DENND1A: variants seen among roughly 807,000 people sequenced by gnomAD.
The protein encoded by DENND1A is DENN domain-containing protein 1A.
A neutral mutation model predicts 113.7 loss-of-function variants in DENND1A; 51 were observed. The observed-to-expected ratio is 0.45, with a 90% CI of 0.36 to 0.57. DENND1A has a LOEUF of 0.57. Ranked by LOEUF, DENND1A falls within the 20% of genes least tolerant of loss-of-function variation. DENND1A has a pLI of 0.00. For missense variants in DENND1A, 1,258 were observed against 1,395.9 expected (o/e 0.90, Z 1.57); for synonymous variants, 565 against 570.8 (o/e 0.99, Z 0.14).
chr9:123,456,880 A>G (rs145668744), intron 15 of DENND1A: 1 of 156,960 alleles, frequency 6.4e-6, no homozygotes, highest in African/African-American at 2.4e-5. Flanking sequence ...ACTGTCCTGG[A>G]TGACTGCACA....
At chr9:123,903,553 C>T (rs1467472725) in intron 1 of DENND1A, among the ~76,000 whole-genome samples, 1 of 152,106 alleles carries the variant, frequency 6.6e-6, no homozygotes, top group African/African-American at 2.4e-5. Flanking sequence ...GGCATTGCCT[C>T]ACTTGGGAAG....
intron 10 of DENND1A, among the ~76,000 whole-genome samples, chr9:123,627,043 C>G (rs2061254179): frequency 6.6e-6 from 1 of 152,184 alleles, no homozygotes; most frequent in South Asian, 2.1e-4. Flanking sequence ...CTCTTCTTGC[C>G]AGATGTGACA....
chr9:123,611,256 T>G (rs913752552), intron 10 of DENND1A, among the ~76,000 whole-genome samples: 7 of 152,196 alleles, frequency 4.6e-5, no homozygotes, highest in African/African-American at 1.7e-4. Flanking sequence ...AAATGCCCTG[T>G]GATATTTTTT....
chr9:123,699,456 A>C (rs2065737933), intron 5 of DENND1A, among the ~76,000 whole-genome samples: 1 of 152,110 alleles, frequency 6.6e-6, no homozygotes, highest in African/African-American at 2.4e-5. Flanking sequence ...TGGATGATGA[A>C]ATTAAAGGTA....
chr9:123,711,514 T>TGTATATATATAC (rs1564998168), intron 5 of DENND1A, among the ~76,000 whole-genome samples: 1 of 20,468 alleles, frequency 4.9e-5, no homozygotes, highest in African/African-American at 4.2e-4. Flanking sequence ...TGTATATATG[T>TGTATATATATAC]ATATATATAT....
At chr9:123,726,462 G>A (rs73667910) in intron 5 of DENND1A, among the ~76,000 whole-genome samples, 3,081 of 152,188 alleles carry the variant, frequency 0.02, 109 homozygotes, top group African/African-American at 0.071. Context: ...GACCATTTCC[G>A]AAATGCACCA....
At chr9:123,593,133 G>T (rs751663177) in intron 11 of DENND1A, among the ~76,000 whole-genome samples, 1 of 152,180 alleles carries the variant, frequency 6.6e-6, no homozygotes, top group African/African-American at 2.4e-5. Context: ...GGGCAAAGCT[G>T]CAACATTGTT....
Position 123,733,261 on chromosome 9 carries a change from G to A in DENND1A, c.302+24442C>T, listed in dbSNP as rs561718045. ...CTCCCAAAGTGCTGGGATTACAGGT[G>A]TGAGCCACCGCACCCGGCCAGTTTG... is the stretch of plus-strand genomic sequence containing the variant. On this transcript the variant is annotated intron_variant, in intron 5 of 23. Transcript: ENST00000394215. 6.6e-5 allele frequency among the ~76,000 whole-genome samples: 10 copies of A among 151,162 alleles called. No homozygotes were observed. The East Asian group carries it at 1.4e-3, about 21-fold the overall frequency.
intron 11 of DENND1A, among the ~76,000 whole-genome samples, chr9:123,608,144 C>A (rs2060255686): frequency 6.6e-6 from 1 of 152,076 alleles, no homozygotes; most frequent in African/African-American, 2.4e-5. Flanking sequence ...TGGGTGATGA[C>A]AAGGAGGAAC....
chr9:123,711,063 C>T (rs1056696362), intron 5 of DENND1A, among the ~76,000 whole-genome samples: 12 of 152,156 alleles, frequency 7.9e-5, no homozygotes, highest in South Asian at 4.2e-4. Context: ...TAAACAAATA[C>T]GCATTATATT....
intron 12 of DENND1A, among the ~76,000 whole-genome samples, chr9:123,561,293 T>C (rs1166958727): frequency 7.3e-6 from 1 of 136,912 alleles, no homozygotes; most frequent in Non-Finnish European, 1.7e-5. Context: ...AAGGAGTCGT[T>C]GATTGTAACT....
intron 11 of DENND1A, among the ~76,000 whole-genome samples, chr9:123,601,767 T>C (rs1036483383): frequency 2.0e-5 from 3 of 152,244 alleles, no homozygotes; most frequent in African/African-American, 7.2e-5. Context: ...AAGTCTTTTA[T>C]GTGGATAATA....
chr9:123,743,204 A>G (rs2069167566), intron 5 of DENND1A, among the ~76,000 whole-genome samples: 1 of 151,960 alleles, frequency 6.6e-6, no homozygotes, highest in African/African-American at 2.4e-5. Context: ...CAGGAGTTCA[A>G]GGTCAGCCTG....
At chr9:123,867,000 TAGC>T (rs1845883303) in intron 2 of DENND1A, among the ~76,000 whole-genome samples, 1 of 152,346 alleles carries the variant, frequency 6.6e-6, no homozygotes, top group South Asian at 2.1e-4. Flanking sequence ...GGCTTCGTGA[TAGC>T]AGAAAATTCT....
chr9:123,699,349 C>T (rs2065728600), intron 5 of DENND1A, among the ~76,000 whole-genome samples: 1 of 152,042 alleles, frequency 6.6e-6, no homozygotes, highest in Admixed American at 6.6e-5. Flanking sequence ...AAAAGGTTTT[C>T]AAACATGTAA....
intron 5 of DENND1A, among the ~76,000 whole-genome samples, chr9:123,742,075 A>G (rs2131109000): frequency 6.6e-6 from 1 of 152,300 alleles, no homozygotes; most frequent in Non-Finnish European, 1.5e-5. Flanking sequence ...ACATAAACAC[A>G]AGTGCATAGC....
In DENND1A at chr9:123,757,812, T is replaced by C. The variant is rs767465290; in HGVS notation, c.193A>G (p.Ser65Gly). 2 of 1,613,870 alleles carry C rather than the reference T, an allele frequency of 1.2e-6. No homozygotes were observed. The highest frequency in any genetic ancestry group is 2.2e-5 in the South Asian group (2 of 91,076). The change falls in exon 5 of 24, where the codon AGC (serine) becomes GGC (glycine). Residue 65 changes from serine to glycine, a missense_variant. Physicochemically the swap from Ser to Gly is moderately conservative, Grantham distance 56. Transcript: ENST00000394215. ...FPFYVDSLTV[S>G]QVGQNFTFVL... is the part of the protein sequence containing the mutation. ...AATGTGAAGTTCTGGCCAACTTGGCTAACTGTGAGGCTGCAGCAAAGGCAG... is the reference window on the plus strand; with the variant it reads ...AATGTGAAGTTCTGGCCAACTTGGCCAACTGTGAGGCTGCAGCAAAGGCAG...
chr9:123,769,506 G>T lies in DENND1A; in HGVS notation c.182+8C>A. The T allele has an allele frequency of 6.2e-7, 1 of 1,601,140 alleles. No homozygotes were observed. The highest frequency in any genetic ancestry group is 1.1e-5 in the South Asian group (1 of 88,414). ...TTTTTCTAGTAAAGTTTGAAAATCTGACACTACCTGTCCACATAGAAGGGG... is the reference window on the plus strand; with the variant it reads ...TTTTTCTAGTAAAGTTTGAAAATCTTACACTACCTGTCCACATAGAAGGGG... On this transcript the variant is annotated splice_region_variant and intron_variant, in intron 4 of 23. Transcript: ENST00000394215.
intron 11 of DENND1A, among the ~76,000 whole-genome samples, chr9:123,605,446 A>G (rs1055545143): frequency 6.6e-6 from 1 of 152,202 alleles, no homozygotes; most frequent in African/African-American, 2.4e-5. Context: ...AAGGACAGTC[A>G]CTGTGGAATC....
Sources: gnomAD v4.1 joint callset for allele counts (sites outside exome capture counted in the v4.1 genomes callset) on GRCh38, gnomAD v4.1.1 for gene constraint, MANE v1.5 for transcripts, NCBI Gene and HGNC (gene_info 2026-07-23, HGNC 2026-07-21) for gene names.